C3orf20: variants seen among roughly 807,000 people sequenced by gnomAD.
C3orf20 encodes the protein uncharacterized protein C3orf20.
In C3orf20, 76 loss-of-function variants were observed where a neutral mutation model predicts 88.3. The ratio of observed to expected loss-of-function variants is 0.86; its 90% CI spans 0.72 to 1.04. The LOEUF is 1.04. Ranked by LOEUF, C3orf20 falls within the 50% of genes least tolerant of loss-of-function variation. C3orf20 has a pLI of 0.00. For missense variants in C3orf20, 1,056 were observed against 1,123.3 expected (o/e 0.94, Z 0.86); for synonymous variants, 436 against 437.4 (o/e 1.00, Z 0.04).
Position 14,682,635 on chromosome 3 carries a change from C to G in C3orf20, c.-79C>G. 1 of 1,520,246 alleles carries G rather than the reference C, an allele frequency of 6.6e-7. No individual in the cohort carries two copies. 94.2% of individuals were successfully genotyped at this position (1,520,246 alleles called of 1,614,324 possible). Reference sequence around the variant, plus strand: ...TTCAGCACATCCATTCTGTCCATCTCCAAGCCTTCACCGTAGGGAAGAACT... The same window carrying G: ...TTCAGCACATCCATTCTGTCCATCTGCAAGCCTTCACCGTAGGGAAGAACT... On this transcript the variant is annotated 5_prime_UTR_variant, in exon 3 of 17. Transcript: ENST00000253697.
intron 7 of C3orf20, 97 bp from the exon 8 acceptor site, chr3:14,713,910 A>C: frequency 7.4e-7 from 1 of 1,355,504 alleles, no homozygotes. Context: ...GATGCACCAA[A>C]TAGCTAACAC....
At chr3:14,708,104 G>A (rs558987076) in intron 7 of C3orf20, among the ~76,000 whole-genome samples, 15 of 152,024 alleles carry the variant, frequency 9.9e-5, no homozygotes, top group Non-Finnish European at 1.8e-4. Flanking sequence ...TTATAGGCAT[G>A]AGCCACCGTG....
chr3:14,731,429 G>A (rs1173687272), intron 12 of C3orf20, among the ~76,000 whole-genome samples: 2 of 152,068 alleles, frequency 1.3e-5, no homozygotes, highest in East Asian at 1.9e-4. Flanking sequence ...TTGTATTCAC[G>A]GATAAGGTTT....
rs573057976 is a variant in C3orf20 at position 14,715,057 on chromosome 3, G to C, written c.1314-232G>C. Among the ~76,000 whole-genome samples, 425 of 152,292 alleles carry C rather than the reference G, an allele frequency of 2.8e-3. 2 individuals are homozygous for C. Among genetic ancestry groups the C allele is most frequent in the Non-Finnish European group, 4.6e-3 (314 of 68,020 alleles). ...CACAAATCCCATTTCTTCCCCTTCT[G>C]GGTTTGGCCTGAGACTTCATCATCT... is the stretch of plus-strand genomic sequence containing the variant. On this transcript the variant is annotated intron_variant, in intron 8 of 16. Transcript: ENST00000253697.
At chr3:14,707,445 TTGTGTGTGTGTG>T (rs36047273) in intron 7 of C3orf20, among the ~76,000 whole-genome samples, 209 of 136,444 alleles carry the variant, frequency 1.5e-3, no homozygotes, top group East Asian at 3.8e-3. Context: ...GCATCTTTTC[TTGTGTGTGTGTG>T]TGTGTGTGTG....
intron 10 of C3orf20, among the ~76,000 whole-genome samples, chr3:14,724,211 A>G: frequency 6.6e-6 from 1 of 152,236 alleles, no homozygotes; most frequent in East Asian, 1.9e-4. Context: ...CGTTTTTAAA[A>G]TGTGAGTCTA....
At chr3:14,679,160 TTTTG>T (rs1036958169) in intron 1 of C3orf20, among the ~76,000 whole-genome samples, 35 of 152,316 alleles carry the variant, frequency 2.3e-4, no homozygotes, top group African/African-American at 7.5e-4. Context: ...GTTCTTTCCT[TTTTG>T]TTTTTGTTTT....
rs1559408108 is a variant in C3orf20 at position 14,704,349 on chromosome 3, G to A, written c.891G>A (p.Arg297=). The A allele has an allele frequency of 1.2e-6, 2 of 1,613,988 alleles. No individual in the cohort carries two copies. Among genetic ancestry groups the A allele is most frequent in the Non-Finnish European group, 1.7e-6 (2 of 1,179,986 alleles). The change falls in exon 7 of 17, where the codon AGG becomes AGA. Residue 297 remains arginine, a synonymous_variant. Coordinates refer to ENST00000253697, the MANE Select transcript of C3orf20 (RefSeq NM_032137.5). ...QELCRHIEAE[R]ATWKGRNISY... ...TCCTTCTCTGCAGAGAAGCTGAAAGGGCCACATGGAAAGGGAGGAATATCT... is the reference window on the plus strand; with the variant it reads ...TCCTTCTCTGCAGAGAAGCTGAAAGAGCCACATGGAAAGGGAGGAATATCT...
At chr3:14,705,310 C>T (rs758316303) in intron 7 of C3orf20, among the ~76,000 whole-genome samples, 9 of 152,244 alleles carry the variant, frequency 5.9e-5, no homozygotes, top group Non-Finnish European at 1.3e-4. Context: ...GGGCATTCAC[C>T]AACCTCCAAA....
chr3:14,713,879 G>A, intron 7 of C3orf20, 128 bp from the exon 8 acceptor site: 3 of 926,752 alleles, frequency 3.2e-6, no homozygotes, highest in South Asian at 3.3e-5. Context: ...AATGCAAGGA[G>A]GGTGTTTGAA....
chr3:14,771,542 A>T (rs1452214270), intron 15 of C3orf20, among the ~76,000 whole-genome samples: 1 of 152,230 alleles, frequency 6.6e-6, no homozygotes, highest in Non-Finnish European at 1.5e-5. Context: ...CTCACATGGC[A>T]TTCTCCCAAA....
At chr3:14,707,722 A>G (rs901457331) in intron 7 of C3orf20, among the ~76,000 whole-genome samples, 1 of 150,874 alleles carries the variant, frequency 6.6e-6, no homozygotes, top group Non-Finnish European at 1.5e-5. Context: ...ATGAAGTCCA[A>G]TTTTTTCCAC....
At chr3:14,697,540 T>A (rs890542514) in intron 5 of C3orf20, among the ~76,000 whole-genome samples, 2 of 152,068 alleles carry the variant, frequency 1.3e-5, no homozygotes, top group African/African-American at 4.8e-5. Flanking sequence ...TTTCAGTCTC[T>A]TTTTTAAATT....
rs138988118 is a variant in C3orf20, at chr3:14,681,886, A to G, written c.-298-284A>G. Among the ~76,000 whole-genome samples the G allele has an allele frequency of 1.0e-3, 157 of 152,328 alleles. 1 individual carries two copies. The East Asian group carries it at 0.026, about 25-fold the overall frequency. ...ATTTTTGGTATAAGTTAAGAAGGTA[A>G]GAATAAAACACAATGTAGAAATATG... On this transcript the variant is annotated intron_variant, in intron 1 of 16. Coordinates refer to ENST00000253697, the MANE Select transcript of C3orf20 (RefSeq NM_032137.5).
At chr3:14,724,116 G>A (rs1018329017) in intron 10 of C3orf20, among the ~76,000 whole-genome samples, 6 of 152,154 alleles carry the variant, frequency 3.9e-5, no homozygotes, top group African/African-American at 1.4e-4. Flanking sequence ...ACCGTGCCTG[G>A]CCAGAAAAAG....
chr3:14,759,262 G>C (rs1029102693), intron 13 of C3orf20, among the ~76,000 whole-genome samples: 2 of 152,186 alleles, frequency 1.3e-5, no homozygotes, highest in Non-Finnish European at 2.9e-5. Flanking sequence ...AGACTGAAAG[G>C]ATAGCTGGAG....
chr3:14,690,176 G>GT, intron 5 of C3orf20, 60 bp downstream of exon 5: 3 of 1,609,478 alleles, frequency 1.9e-6, no homozygotes, highest in Non-Finnish European at 2.5e-6. Flanking sequence ...TGGGGGATAG[G>GT]TTTCCGTCTA....
chr3:14,755,978 G>A (rs6796219), intron 12 of C3orf20, among the ~76,000 whole-genome samples: 39,031 of 142,704 alleles, frequency 0.27, 6,049 homozygotes, highest in South Asian at 0.42. Flanking sequence ...ACAGTGAGCC[G>A]AGATTGCGCC....
intron 1 of C3orf20, among the ~76,000 whole-genome samples, chr3:14,677,981 A>AGTTTCCCAACTTCAGTG (rs2124871752): frequency 6.6e-6 from 1 of 152,068 alleles, no homozygotes; most frequent in African/African-American, 2.4e-5. Context: ...CAACTTCAGT[A>AGTTTCCCAACTTCAGTG]GTTTCCCATC....
Sources: gnomAD v4.1 joint callset for allele counts (sites outside exome capture counted in the v4.1 genomes callset) on GRCh38, gnomAD v4.1.1 for gene constraint, MANE v1.5 for transcripts, NCBI Gene and HGNC (gene_info 2026-07-23, HGNC 2026-07-21) for gene names.